The following FNDC3B variants were observed in gnomAD, a reference collection of about 807,000 sequenced individuals.
FNDC3B encodes the protein fibronectin type III domain-containing protein 3B.
In FNDC3B, 12 loss-of-function variants were observed where a neutral mutation model predicts 151.5. The ratio of observed to expected loss-of-function variants is 0.08; its 90% CI spans 0.05 to 0.13. FNDC3B has a LOEUF of 0.13. Ranked by LOEUF, FNDC3B falls within the 10% of genes least tolerant of loss-of-function variation. The pLI is 1.00. For synonymous variants in FNDC3B, 528 were observed against 549.0 expected (o/e 0.96, Z 0.54); for missense variants, 1,214 against 1,505.3 (o/e 0.81, Z 3.20).
Position 172,112,579 on chromosome 3 carries a change from G to T in FNDC3B, c.100G>T (p.Ala34Ser). The change falls in exon 2 of 26, where the codon GCA becomes TCA. Residue 34 changes from alanine to serine, a missense_variant. Transcript: ENST00000415807. Reference sequence around the variant, plus strand: ...GATGCCCCACTTGGTGAATGGAGATGCAGCTCAGCAGGTTGGTGTAGGAAG... The same window carrying T: ...GATGCCCCACTTGGTGAATGGAGATTCAGCTCAGCAGGTTGGTGTAGGAAG... ...AMMPHLVNGD[A>S]AQQVILVQVN... The T allele has an allele frequency of 6.2e-7, 1 of 1,610,400 alleles. No individual in the cohort carries two copies. Among genetic ancestry groups the T allele is most frequent in the Non-Finnish European group, 8.5e-7 (1 of 1,176,614 alleles).
At chr3:172,176,303 A>T (rs187900214) in intron 3 of FNDC3B, among the ~76,000 whole-genome samples, 1 of 152,346 alleles carries the variant, frequency 6.6e-6, no homozygotes, top group Non-Finnish European at 1.5e-5. Context: ...GCTAAGAGAG[A>T]CGAGTATAGT....
chr3:172,089,909 CGTTAA>C (rs1718725180), intron 1 of FNDC3B, among the ~76,000 whole-genome samples: 1 of 152,074 alleles, frequency 6.6e-6, no homozygotes, highest in African/African-American at 2.4e-5. Context: ...CTTTTTACAA[CGTTAA>C]TGACAAATAT....
At position 172,376,537 on chromosome 3, in the gene FNDC3B, G is replaced by A. The variant is rs566361248; in HGVS notation, c.3009-1733G>A. ...ATTAAGGGCAATTACTCCTGTTAGA[G>A]ATTGTAGACTAGGTTAGGCTGAGTT... is the stretch of plus-strand genomic sequence containing the variant. On this transcript the variant is annotated intron_variant, in intron 23 of 25. Transcript: ENST00000415807. 3.9e-5 allele frequency among the ~76,000 whole-genome samples: 6 copies of A among 152,280 alleles called. No individual in the cohort carries two copies. In the East Asian group the frequency reaches 1.2e-3, roughly 29 times the overall value.
chr3:172,053,422 A>G (rs1716765795), intron 1 of FNDC3B, among the ~76,000 whole-genome samples: 1 of 152,174 alleles, frequency 6.6e-6, no homozygotes, highest in Non-Finnish European at 1.5e-5. Context: ...GCTGAATACT[A>G]AGGCTAAATA....
rs1733943101 is a variant in FNDC3B, at chr3:172,353,229, C to T, written c.2795+146C>T. The T allele has an allele frequency of 3.3e-5, 27 of 811,838 alleles. No homozygotes were observed. The South Asian group carries it at 4.9e-4, about 15-fold the overall frequency. The allele number at this position is 811,838 out of a possible 1,614,324, so 50.3% of individuals were successfully genotyped here. A position where few individuals can be genotyped will look rare whatever the true frequency, so the allele number is the denominator to read the frequency against. On this transcript the variant is annotated intron_variant, in intron 22 of 25. Coordinates refer to ENST00000415807, the MANE Select transcript of FNDC3B (RefSeq NM_022763.4). ...CCAGAGTATTGTCTCACCTTGATCC[C>T]TCAGGCCAGAAGACCTGTGAAAAAG...
chr3:172,242,823 G>C (rs890594880), intron 4 of FNDC3B, among the ~76,000 whole-genome samples: 1 of 152,182 alleles, frequency 6.6e-6, no homozygotes, highest in African/African-American at 2.4e-5. Flanking sequence ...TTTCTCCTCA[G>C]AAAATGGGAT....
At chr3:172,126,430 C>A (rs1720813339) in intron 2 of FNDC3B, among the ~76,000 whole-genome samples, 1 of 152,096 alleles carries the variant, frequency 6.6e-6, no homozygotes, top group African/African-American at 2.4e-5. Flanking sequence ...GTAGTTCTTC[C>A]AAGACCAAGA....
At chr3:172,313,008 T>TTC (rs1163050678) in intron 11 of FNDC3B, among the ~76,000 whole-genome samples, 2 of 152,156 alleles carry the variant, frequency 1.3e-5, no homozygotes, top group African/African-American at 4.8e-5. Context: ...CCCTCTACCT[T>TTC]TCTCCTACTT....
At chr3:172,238,321 A>C (rs1347267971) in intron 4 of FNDC3B, among the ~76,000 whole-genome samples, 2 of 152,074 alleles carry the variant, frequency 1.3e-5, no homozygotes, top group Non-Finnish European at 2.9e-5. Context: ...ACACCCAGCA[A>C]ATTTTTGTAT....
chr3:172,330,005 A>G (rs1164448074), intron 12 of FNDC3B: 1 of 152,252 alleles, frequency 6.6e-6, no homozygotes, highest in African/African-American at 2.4e-5. Context: ...CTTGATAAAC[A>G]TTGCCTTGTG....
At chr3:172,094,817 T>C (rs1231732197) in intron 1 of FNDC3B, among the ~76,000 whole-genome samples, 1 of 151,542 alleles carries the variant, frequency 6.6e-6, no homozygotes, top group African/African-American at 2.4e-5. Flanking sequence ...TGAGCGGGTG[T>C]GTAGTGGCTT....
Position 172,298,864 on chromosome 3 carries a change from T to G in FNDC3B, c.1061+77T>G, listed in dbSNP as rs1730765596. On this transcript the variant is annotated intron_variant, in intron 9 of 25. Transcript: ENST00000415807. ...GCAAAAACATGTACTCCCTTTTAAG[T>G]TTTTGGTGAATGTTGCTTACCTTGC... 1.0e-5 allele frequency: 11 copies of G among 1,058,702 alleles called. No individual in the cohort carries two copies. In the East Asian group the frequency reaches 2.9e-4, roughly 28 times the overall value. 65.6% of individuals were successfully genotyped at this position (1,058,702 alleles called of 1,614,324 possible). A position where few individuals can be genotyped will look rare whatever the true frequency, so the allele number is the denominator to read the frequency against.
At chr3:172,378,680 A>T (rs1285073) in intron 24 of FNDC3B, among the ~76,000 whole-genome samples, 68,317 of 152,030 alleles carry the variant, frequency 0.45, 16,485 homozygotes, top group Non-Finnish European at 0.56. Context: ...GTTAGAAATA[A>T]GGGTTAAATT....
chr3:172,274,318 G>A lies in FNDC3B; in HGVS notation c.791-11608G>A, dbSNP rs141404097. Among the ~76,000 whole-genome samples the A allele has an allele frequency of 3.6e-3, 552 of 152,130 alleles. 2 individuals are homozygous for A. The highest frequency in any genetic ancestry group is 0.012 in the African/African-American group (499 of 41,490). Reference sequence around the variant, plus strand: ...AAGTAGTCTAGCAGTCTCTTCCAGCGGATAGATTTGTTTATCTTAAGTAGA... The same window carrying A: ...AAGTAGTCTAGCAGTCTCTTCCAGCAGATAGATTTGTTTATCTTAAGTAGA... On this transcript the variant is annotated intron_variant, in intron 6 of 25. Transcript: ENST00000415807.
chr3:172,242,679 C>G (rs138197961), intron 4 of FNDC3B, among the ~76,000 whole-genome samples: 3 of 152,218 alleles, frequency 2.0e-5, no homozygotes, highest in Non-Finnish European at 4.4e-5. Flanking sequence ...TTTTATCCTC[C>G]TAGGCCTCAG....
rs536912038 is a variant in FNDC3B, at chr3:172,068,516, C to T, written c.-29+28745C>T. ...TCGTCTCACTGCAGCCTCCGCCACCCGGGTTCAAGCAATTCTCCTGCCTCA... is the reference window on the plus strand; with the variant it reads ...TCGTCTCACTGCAGCCTCCGCCACCTGGGTTCAAGCAATTCTCCTGCCTCA... On this transcript the variant is annotated intron_variant, in intron 1 of 25. Coordinates refer to ENST00000415807, the MANE Select transcript of FNDC3B (RefSeq NM_022763.4). Among the ~76,000 whole-genome samples, 26 of 151,702 alleles carry T rather than the reference C, an allele frequency of 1.7e-4. No individual in the cohort carries two copies. The East Asian group carries it at 4.5e-3, about 26-fold the overall frequency.
chr3:172,349,796 CA>C (rs527311995), intron 21 of FNDC3B, among the ~76,000 whole-genome samples: 302 of 152,242 alleles, frequency 2.0e-3, no homozygotes, highest in Non-Finnish European at 3.4e-3. Flanking sequence ...GCCGGGATTA[CA>C]GGCGCCTGCC....
intron 3 of FNDC3B, among the ~76,000 whole-genome samples, chr3:172,198,952 G>A (rs1385704836): frequency 2.6e-5 from 4 of 151,610 alleles, no homozygotes; most frequent in African/African-American, 9.7e-5. Context: ...TCAGCCTCCC[G>A]AGTAGCTGGA....
At chr3:172,079,469 A>T (rs1718177186) in intron 1 of FNDC3B, among the ~76,000 whole-genome samples, 1 of 152,186 alleles carries the variant, frequency 6.6e-6, no homozygotes, top group Non-Finnish European at 1.5e-5. Flanking sequence ...ACAGATACAG[A>T]CCCAAAAGAC....
Sources: allele counts gnomAD v4.1 joint callset (sites outside exome capture counted in the v4.1 genomes callset), GRCh38; gene constraint gnomAD v4.1.1; transcripts MANE v1.5; gene names NCBI Gene and HGNC (gene_info 2026-07-23, HGNC 2026-07-21).